ARHGAP28: variants seen among roughly 807,000 people sequenced by gnomAD.
ARHGAP28 encodes rho GTPase-activating protein 28.
Under a neutral mutation model 90.7 loss-of-function variants are expected in ARHGAP28, and 56 were observed. The observed-to-expected ratio is 0.62, with a 90% CI of 0.50 to 0.77. ARHGAP28 has a LOEUF of 0.77. Ranked by LOEUF, ARHGAP28 falls within the 30% of genes least tolerant of loss-of-function variation. The pLI is 0.00. For synonymous variants in ARHGAP28, 308 were observed against 323.3 expected, an observed-to-expected ratio of 0.95 and a Z score of 0.51; for missense variants, 869 against 900.9, an observed-to-expected ratio of 0.96 and a Z score of 0.45.
intron 4 of ARHGAP28, among the ~76,000 whole-genome samples, chr18:6,853,099 A>T (rs1032200147): frequency 6.6e-6 from 1 of 152,112 alleles, no homozygotes; most frequent in African/African-American, 2.4e-5. Context: ...GGTTCCACCC[A>T]TGGTTGCATG....
intron 10 of ARHGAP28, 90 bp downstream of exon 10, chr18:6,876,298 G>A (rs1185418535): frequency 3.1e-6 from 3 of 967,718 alleles, no homozygotes; most frequent in East Asian, 4.8e-5. Context: ...ATTTGTTGTT[G>A]TTTATTAGAT....
At chr18:6,797,318 A>G (rs2056448494) in intron 1 of ARHGAP28, among the ~76,000 whole-genome samples, 1 of 152,204 alleles carries the variant, frequency 6.6e-6, no homozygotes, top group South Asian at 2.1e-4. Context: ...GGAGACTGGA[A>G]AAGACAAGAT....
chr18:6,894,984 A>G (rs2057294556), intron 15 of ARHGAP28, 93 bp downstream of exon 15: 1 of 1,221,710 alleles, frequency 8.2e-7, no homozygotes, highest in Non-Finnish European at 1.2e-6. Flanking sequence ...TTGGTCATGA[A>G]CTATCCTTCA....
At chr18:6,854,917 C>G (rs989647363) in intron 4 of ARHGAP28, among the ~76,000 whole-genome samples, 5 of 152,220 alleles carry the variant, frequency 3.3e-5, no homozygotes. Flanking sequence ...TGGCCCAGCC[C>G]GGGCGCTGTT....
rs372792217 is a variant in ARHGAP28 at position 6,896,490 on chromosome 18, C to G, written c.1906-12C>G. On this transcript the variant is annotated splice_polypyrimidine_tract_variant and intron_variant, in intron 15 of 17. Transcript: ENST00000383472. ...GTTTGACAGACTGTACTGAATTTCT[C>G]CTCCTTGGCAGTCTGACGTGCCGGA... The G allele has an allele frequency of 7.4e-6, 12 of 1,613,708 alleles. No homozygotes were observed. Among genetic ancestry groups the G allele is most frequent in the Non-Finnish European group, 9.3e-6 (11 of 1,179,766 alleles).
At chr18:6,818,410 C>T (rs756166391) in intron 1 of ARHGAP28, among the ~76,000 whole-genome samples, 3 of 152,172 alleles carry the variant, frequency 2.0e-5, no homozygotes, top group African/African-American at 2.4e-5. Context: ...GCTCCACTGA[C>T]GCTAGTCATT....
At chr18:6,802,930 A>G (rs780315263) in intron 1 of ARHGAP28, among the ~76,000 whole-genome samples, 7 of 152,224 alleles carry the variant, frequency 4.6e-5, no homozygotes, top group East Asian at 1.9e-4. Context: ...ATTGTTTTCT[A>G]TATTACTCAT....
intron 14 of ARHGAP28, among the ~76,000 whole-genome samples, chr18:6,893,150 T>C (rs548058761): frequency 3.9e-5 from 6 of 152,298 alleles, no homozygotes; most frequent in African/African-American, 1.4e-4. Context: ...TTTTTGACAT[T>C]ACACCCCTCT....
At chr18:6,789,312 C>T (rs1178347882) in intron 1 of ARHGAP28, 1 of 152,248 alleles carries the variant, frequency 6.6e-6, no homozygotes, top group Non-Finnish European at 1.5e-5. Flanking sequence ...TGGCTCACGT[C>T]TGTAATCCCA....
At chr18:6,841,305 G>A (rs1451924658) in intron 3 of ARHGAP28, among the ~76,000 whole-genome samples, 1 of 141,620 alleles carries the variant, frequency 7.1e-6, no homozygotes, top group South Asian at 2.3e-4. Flanking sequence ...TCTTTCTTTG[G>A]CATCATTTAC....
At chr18:6,857,285 G>A (rs2056961259) in intron 4 of ARHGAP28, among the ~76,000 whole-genome samples, 1 of 152,206 alleles carries the variant, frequency 6.6e-6, no homozygotes, top group African/African-American at 2.4e-5. Flanking sequence ...TGCATATCCT[G>A]TGTGGAGGAT....
intron 1 of ARHGAP28, among the ~76,000 whole-genome samples, chr18:6,781,984 G>T (rs752567131): frequency 1.3e-5 from 2 of 152,146 alleles, no homozygotes; most frequent in Non-Finnish European, 2.9e-5. Context: ...TAGGGATGGG[G>T]ACAGGGCAGT....
intron 15 of ARHGAP28, 81 bp downstream of exon 15, chr18:6,894,972 T>G (rs1416363398): frequency 4.5e-6 from 6 of 1,339,594 alleles, no homozygotes; most frequent in Non-Finnish European, 6.4e-6. Context: ...TTATGTATAA[T>G]GTTGGTCATG....
intron 14 of ARHGAP28, among the ~76,000 whole-genome samples, chr18:6,893,328 A>C (rs1421572148): frequency 6.6e-6 from 1 of 152,196 alleles, no homozygotes; most frequent in Non-Finnish European, 1.5e-5. Flanking sequence ...TTTCAAGGCT[A>C]TCACTGAACT....
rs2057406605 is a variant in ARHGAP28 at position 6,912,933 on chromosome 18, A to G, written c.*779A>G. On this transcript the variant is annotated 3_prime_UTR_variant, in exon 18 of 18. Coordinates refer to ENST00000383472, the MANE Select transcript of ARHGAP28 (RefSeq NM_001366230.1). ...TGTAGTTAACATTCACAGAGCCTAC[A>G]TTTTCTCATTACGGTTATGATGCTC... 6.6e-6 allele frequency: 1 copy of G among 152,168 alleles called. No homozygotes were observed. The highest frequency in any genetic ancestry group is 2.1e-4 in the South Asian group (1 of 4,830). The allele number at this position is 152,168 out of a possible 1,614,324, so 9.4% of individuals were successfully genotyped here.
chr18:6,776,627 T>A (rs549200227), intron 1 of ARHGAP28, among the ~76,000 whole-genome samples: 2 of 152,176 alleles, frequency 1.3e-5, no homozygotes, highest in Non-Finnish European at 2.9e-5. Context: ...TTGCTGTATA[T>A]GAAGTAGTGG....
intron 1 of ARHGAP28, among the ~76,000 whole-genome samples, chr18:6,774,952 A>G (rs905733114): frequency 6.6e-6 from 1 of 152,332 alleles, no homozygotes; most frequent in East Asian, 1.9e-4. Context: ...TTAGAAATTA[A>G]TTAGCACCTG....
chr18:6,806,306 ATGTAT>A lies in ARHGAP28; in HGVS notation c.123-18454_123-18450del, dbSNP rs751413544. Among the ~76,000 whole-genome samples the A allele has an allele frequency of 5.3e-5, 8 of 152,180 alleles. No homozygotes were observed. The South Asian group carries it at 8.3e-4, about 16-fold the overall frequency. Reference sequence around the variant, plus strand: ...GTTATTTTAGTGATTCCTTTAAGCTATGTATTATAATCTTTATCAGTTTACCTTGA... The same window carrying A: ...GTTATTTTAGTGATTCCTTTAAGCTATATAATCTTTATCAGTTTACCTTGA... On this transcript the variant is annotated intron_variant, in intron 1 of 17. Coordinates refer to ENST00000383472, the MANE Select transcript of ARHGAP28 (RefSeq NM_001366230.1).
intron 16 of ARHGAP28, among the ~76,000 whole-genome samples, chr18:6,904,156 G>A (rs1056064431): frequency 6.6e-6 from 1 of 152,214 alleles, no homozygotes; most frequent in African/African-American, 2.4e-5. Flanking sequence ...CACTTTGGGA[G>A]ACCGAGGCAG....
Sources: gnomAD v4.1 joint callset for allele counts (sites outside exome capture counted in the v4.1 genomes callset) on GRCh38, gnomAD v4.1.1 for gene constraint, MANE v1.5 for transcripts, NCBI Gene and HGNC (gene_info 2026-07-23, HGNC 2026-07-21) for gene names.